Variants in RTN1 observed in about 807,000 individuals in gnomAD.
RTN1 encodes the protein reticulon 1.
A neutral mutation model predicts 65.5 loss-of-function variants in RTN1; 25 were observed. The ratio of observed to expected loss-of-function variants is 0.38; its 90% confidence interval spans 0.28 to 0.53. RTN1 has a LOEUF of 0.53. Among genes scored for constraint, RTN1 ranks in the 20% least tolerant of loss-of-function variants. RTN1 has a pLI of 0.79. For missense variants in RTN1, 983 were observed against 1,025.4 expected (o/e 0.96, Z 0.57); for synonymous variants, 471 against 447.6 (o/e 1.05, Z -0.66).
chr14:59,804,300 G>A (rs979433325), intron 1 of RTN1, among the ~76,000 whole-genome samples: 7 of 152,090 alleles, frequency 4.6e-5, no homozygotes, highest in Non-Finnish European at 1.0e-4. Flanking sequence ...GACTGGGGAT[G>A]TACATATGGG....
intron 2 of RTN1, among the ~76,000 whole-genome samples, chr14:59,731,482 G>A (rs1422317220): frequency 6.6e-6 from 1 of 152,032 alleles, no homozygotes; most frequent in African/African-American, 2.4e-5. Context: ...GAATTGTATA[G>A]TATATGGATT....
At chr14:59,645,381 T>C (rs1195095566) in intron 3 of RTN1, among the ~76,000 whole-genome samples, 1 of 151,114 alleles carries the variant, frequency 6.6e-6, no homozygotes, top group Non-Finnish European at 1.5e-5. Flanking sequence ...ATATGTTTGT[T>C]ACATGTTTTC....
chr14:59,852,969 C>A (rs529327901), intron 1 of RTN1, among the ~76,000 whole-genome samples: 3 of 152,060 alleles, frequency 2.0e-5, no homozygotes, highest in Admixed American at 6.6e-5. Context: ...ATATATTAAA[C>A]GCTTAATAAA....
chr14:59,867,094 T>C lies in RTN1; in HGVS notation c.241+3296A>G, dbSNP rs568960865. Among the ~76,000 whole-genome samples the C allele has an allele frequency of 8.2e-4, 125 of 152,336 alleles. 1 individual carries two copies. Among genetic ancestry groups the C allele is most frequent in the African/African-American group, 2.9e-3 (122 of 41,592 alleles). On this transcript the variant is annotated intron_variant, in intron 1 of 8. Transcript: ENST00000267484. ...TTCTCCATCATGTTCTTGATTTTGC[T>C]TTCCATATATTAAGCAGTCAATGAG...
At chr14:59,738,026 A>G (rs925556478) in intron 2 of RTN1, among the ~76,000 whole-genome samples, 2 of 152,216 alleles carry the variant, frequency 1.3e-5, no homozygotes, top group Admixed American at 6.5e-5. Flanking sequence ...TGGATTAAAG[A>G]CTTAAATGTA....
rs563319915 is a variant in RTN1, at chr14:59,640,604, C to T, written c.1766-33112G>A. Reference sequence around the variant, plus strand: ...TGCTGGGATTACAGGCGTGAGCCACCGTGCCTGGCCTGACTTTGTCCATTT... The same window carrying T: ...TGCTGGGATTACAGGCGTGAGCCACTGTGCCTGGCCTGACTTTGTCCATTT... On this transcript the variant is annotated intron_variant, in intron 3 of 8. Transcript: ENST00000267484. Among the ~76,000 whole-genome samples, 250 of 152,270 alleles carry T rather than the reference C, an allele frequency of 1.6e-3. 1 individual carries two copies. Among genetic ancestry groups the T allele is most frequent in the African/African-American group, 5.4e-3 (225 of 41,562 alleles).
In RTN1 at chr14:59,727,274, C is replaced by G. The variant is rs74373925; in HGVS notation, c.1410G>C (p.Ser470=). 7.4e-5 allele frequency: 111 copies of G among 1,507,258 alleles called. 1 individual carries two copies. The highest frequency in any genetic ancestry group is 7.0e-4 in the Middle Eastern group (4 of 5,754). The allele number at this position is 1,507,258 out of a possible 1,614,324, so 93.4% of individuals were successfully genotyped here. A position where few individuals can be genotyped will look rare whatever the true frequency, so the allele number is the denominator to read the frequency against. The part of the protein sequence containing the change: ...AELDSELIIE[S]CDASSASEES... ...CCTCCGAGGCCGAGGAGGCGTCGCACGACTCGATGATGAGCTCGCTGTCCA... is the reference window on the plus strand; with the variant it reads ...CCTCCGAGGCCGAGGAGGCGTCGCAGGACTCGATGATGAGCTCGCTGTCCA... Residue 470 remains serine (S), a synonymous_variant, in exon 3 of 9, where the codon TCG becomes TCC. Coordinates refer to ENST00000267484, the MANE Select transcript of RTN1 (RefSeq NM_021136.3). This position sits in a 1 kb window ranked among gnomAD's most constrained non-coding sequence, Gnocchi z 4.2.
At chr14:59,765,127 A>AG (rs1004069437) in intron 1 of RTN1, among the ~76,000 whole-genome samples, 5 of 151,320 alleles carry the variant, frequency 3.3e-5, no homozygotes, top group African/African-American at 1.2e-4. Context: ...AAGAATTAGG[A>AG]GAAAAAAAAA....
chr14:59,739,433 C>T (rs1055268455), intron 2 of RTN1, among the ~76,000 whole-genome samples: 27 of 151,742 alleles, frequency 1.8e-4, no homozygotes, highest in African/African-American at 6.5e-4. Flanking sequence ...CCCAGCTACT[C>T]AGGAGGCTGA....
At chr14:59,749,391 T>A (rs1348699708) in intron 1 of RTN1, among the ~76,000 whole-genome samples, 1 of 71,662 alleles carries the variant, frequency 1.4e-5, no homozygotes, top group Non-Finnish European at 2.1e-5. Flanking sequence ...TATCTATATA[T>A]ATCTATATAT....
rs944122476 is a variant in RTN1, at chr14:59,745,903, C to A, written c.820G>T (p.Ala274Ser). 1 of 1,613,882 alleles carries A rather than the reference C, an allele frequency of 6.2e-7. No individual in the cohort carries two copies. The highest frequency in any genetic ancestry group is 8.5e-7 in the Non-Finnish European group (1 of 1,179,996). The change falls in exon 2 of 9, where the codon GCT becomes TCT. Residue 274 changes from alanine (A) to serine (S), a missense_variant. Coordinates refer to ENST00000267484, the MANE Select transcript of RTN1 (RefSeq NM_021136.3). The part of the protein sequence containing the change: ...IDDLSEEQRR[A>S]PQITTPVKIT... ...TTGACAGGGGTGGTGATCTGAGGAG[C>A]CCTGCGCTGTTCTTCAGAGAGATCA...
Position 59,861,615 on chromosome 14 carries a change from CTAACTGGGA to C in RTN1, c.241+8766_241+8774del, listed in dbSNP as rs370563836. Reference sequence around the variant, plus strand: ...CAACCTGGCTTTTGCTTGAACATCACTAACTGGGAGAGAATCTGTCTTTTCTGATCAGTT... The same window carrying C: ...CAACCTGGCTTTTGCTTGAACATCACGAGAATCTGTCTTTTCTGATCAGTT... On this transcript the variant is annotated intron_variant, in intron 1 of 8. Coordinates refer to ENST00000267484, the MANE Select transcript of RTN1 (RefSeq NM_021136.3). 9.0e-3 allele frequency among the ~76,000 whole-genome samples: 1,378 copies of C among 152,268 alleles called. 18 individuals carry two copies. Among genetic ancestry groups the C allele is most frequent in the Middle Eastern group, 0.031 (9 of 294 alleles).
At chr14:59,615,460 AAAC>A (rs1401789083) in intron 3 of RTN1, among the ~76,000 whole-genome samples, 2 of 152,144 alleles carry the variant, frequency 1.3e-5, no homozygotes, top group Non-Finnish European at 1.5e-5. Flanking sequence ...AAAAAAAACA[AAAC>A]AACAACAACA....
At chr14:59,691,563 C>G (rs1883962127) in intron 3 of RTN1, among the ~76,000 whole-genome samples, 3 of 151,998 alleles carry the variant, frequency 2.0e-5, no homozygotes, top group Admixed American at 2.0e-4. Context: ...GGAGGGGGGA[C>G]TCCTCCCTAA....
intron 3 of RTN1, among the ~76,000 whole-genome samples, chr14:59,707,468 C>T (rs959800572): frequency 6.6e-6 from 1 of 152,186 alleles, no homozygotes; most frequent in Non-Finnish European, 1.5e-5. Context: ...GTCTCTTCCA[C>T]TAATGAAACT....
intron 1 of RTN1, among the ~76,000 whole-genome samples, chr14:59,772,781 T>C (rs1885983677): frequency 2.7e-5 from 4 of 150,808 alleles, no homozygotes. Context: ...AACCCATTAA[T>C]AAAATCATGA....
intron 1 of RTN1, among the ~76,000 whole-genome samples, chr14:59,857,415 G>A (rs938985911): frequency 2.6e-5 from 4 of 152,088 alleles, no homozygotes; most frequent in Non-Finnish European, 5.9e-5. Context: ...GACTAAAAGT[G>A]AATTCATTAT....
chr14:59,604,000 G>C, intron 5 of RTN1, 79 bp from the exon 6 acceptor site: 1 of 1,109,888 alleles, frequency 9.0e-7, no homozygotes, highest in Non-Finnish European at 1.4e-6. Context: ...CTTTTACCTA[G>C]ATTTGAATTT....
At chr14:59,749,457 T>A (rs1425891224) in intron 1 of RTN1, among the ~76,000 whole-genome samples, 1 of 103,886 alleles carries the variant, frequency 9.6e-6, no homozygotes, top group Non-Finnish European at 1.7e-5. Context: ...TATATATCTA[T>A]ATATATCTAA....
Sources: allele counts gnomAD v4.1 joint callset (sites outside exome capture counted in the v4.1 genomes callset), GRCh38; gene constraint gnomAD v4.1.1; non-coding constraint Gnocchi (gnomAD v3.1); transcripts MANE v1.5; gene names NCBI Gene and HGNC (gene_info 2026-07-23, HGNC 2026-07-21).